The following GOLGB1 variants were observed in gnomAD, a reference collection of about 807,000 sequenced individuals.
GOLGB1 encodes the protein golgin subfamily B member 1.
A neutral mutation model predicts 336.9 loss-of-function variants in GOLGB1; 174 were observed. The ratio of observed to expected loss-of-function variants is 0.52; its 90% CI spans 0.46 to 0.59. The LOEUF (loss-of-function observed/expected upper bound fraction) is 0.59, where lower values mean the gene tolerates loss of function less well. Among genes scored for constraint, GOLGB1 ranks in the 20% least tolerant of loss-of-function variants. GOLGB1 has a pLI of 0.00. For synonymous variants in GOLGB1, 1,208 were observed against 1,289.2 expected (o/e 0.94, Z 1.35); for missense variants, 3,331 against 3,645.3 (o/e 0.91, Z 2.22).
chr3:121,708,462 C>A (rs928737195), intron 10 of GOLGB1, among the ~76,000 whole-genome samples: 11 of 151,552 alleles, frequency 7.3e-5, no homozygotes, highest in African/African-American at 2.7e-4. Context: ...ATAGTGAGAC[C>A]TTGTCTCTAC....
chr3:121,677,250 A>G (rs1275256588), intron 16 of GOLGB1, 35 bp downstream of exon 16: 3 of 1,497,976 alleles, frequency 2.0e-6, no homozygotes, highest in Non-Finnish European at 2.7e-6. Context: ...TTAAAAATTT[A>G]TCTCTGAGTA....
At chr3:121,715,884 T>C (rs918007935) in intron 9 of GOLGB1, among the ~76,000 whole-genome samples, 4 of 151,484 alleles carry the variant, frequency 2.6e-5, no homozygotes, top group African/African-American at 7.3e-5. Flanking sequence ...CCAAGCTACT[T>C]GGGAGGCTGA....
At chr3:121,704,607 G>A (rs945609499) in intron 10 of GOLGB1, among the ~76,000 whole-genome samples, 1 of 151,796 alleles carries the variant, frequency 6.6e-6, no homozygotes, top group Non-Finnish European at 1.5e-5. Context: ...GAGAAACTCC[G>A]TCTCTACTAA....
At position 121,697,220 on chromosome 3, in the gene GOLGB1, C is replaced by G. The variant is rs777038400; in HGVS notation, c.3303G>C (p.Gln1101His). Reference protein sequence around the residue: ...AEEQFQALVKQMNQTLQDKTN... With the variant: ...AEEQFQALVKHMNQTLQDKTN... ...TTTTATCTTGCAAGGTCTGATTCAT[C>G]TGTTTGACCAGAGCCTGGAATTGCT... The change falls in exon 13 of 22, where the codon CAG becomes CAC. Residue 1101 changes from glutamine to histidine, a missense_variant. Coordinates refer to ENST00000614479, the MANE Select transcript of GOLGB1 (RefSeq NM_001366282.2). 4.3e-6 allele frequency: 7 copies of G among 1,614,110 alleles called. No individual in the cohort carries two copies. The East Asian group carries it at 1.6e-4, about 36-fold the overall frequency.
chr3:121,713,739 CT>C (rs1944533501), intron 10 of GOLGB1, among the ~76,000 whole-genome samples: 1 of 152,014 alleles, frequency 6.6e-6, no homozygotes, highest in African/African-American at 2.4e-5. Flanking sequence ...GAATGGTATA[CT>C]TCAGATCTGT....
intron 5 of GOLGB1, among the ~76,000 whole-genome samples, chr3:121,725,123 A>G (rs1041409244): frequency 2.6e-5 from 4 of 152,104 alleles, no homozygotes; most frequent in Non-Finnish European, 5.9e-5. Flanking sequence ...AGCAATGCCA[A>G]GGGGAAATGA....
rs1330857584 is a variant in GOLGB1 at position 121,694,894 on chromosome 3, T to C, written c.5629A>G (p.Thr1877Ala). 3.1e-6 allele frequency: 5 copies of C among 1,613,414 alleles called. No homozygotes were observed. The highest frequency in any genetic ancestry group is 4.2e-6 in the Non-Finnish European group (5 of 1,179,444). ...TTTGTTGATATCTGACTCAGTAAGG[T>C]ATTTTTCTCATTTTCTAAAGTCTGG... is the stretch of plus-strand genomic sequence containing the variant. The part of the protein sequence containing the change: ...FSQTLENEKN[T>A]LLSQISTKDG... Residue 1877 changes from threonine (T) to alanine (A), a missense_variant, in exon 13 of 22, where the codon ACC becomes GCC. Coordinates refer to ENST00000614479, the MANE Select transcript of GOLGB1 (RefSeq NM_001366282.2).
intron 1 of GOLGB1, among the ~76,000 whole-genome samples, chr3:121,736,305 G>A (rs1463039971): frequency 1.3e-5 from 2 of 152,158 alleles, no homozygotes; most frequent in African/African-American, 4.8e-5. Flanking sequence ...AGCAACATCA[G>A]AGTGGTGAGA....
At chr3:121,665,658 C>A (rs1159339224) in intron 20 of GOLGB1, among the ~76,000 whole-genome samples, 1 of 152,218 alleles carries the variant, frequency 6.6e-6, no homozygotes, top group Non-Finnish European at 1.5e-5. Context: ...AATGAAGAAG[C>A]TGCCATTACT....
rs75675920 is a variant in GOLGB1, at chr3:121,721,612, C to T, written c.648+650G>A. ...TGTACCACTTGTACTCCAGCTTGGGCAACAGAGTGAGACCCAATTTCAAAA... is the reference window on the plus strand; with the variant it reads ...TGTACCACTTGTACTCCAGCTTGGGTAACAGAGTGAGACCCAATTTCAAAA... On this transcript the variant is annotated intron_variant, in intron 6 of 21. Coordinates refer to ENST00000614479, the MANE Select transcript of GOLGB1 (RefSeq NM_001366282.2). 2.5e-3 allele frequency among the ~76,000 whole-genome samples: 375 copies of T among 152,210 alleles called. 3 individuals carry two copies. Among genetic ancestry groups the T allele is most frequent in the African/African-American group, 8.7e-3 (363 of 41,544 alleles).
At chr3:121,727,289 C>CATATATATATATATATAT (rs1216701208) in intron 4 of GOLGB1, among the ~76,000 whole-genome samples, 3 of 44,352 alleles carry the variant, frequency 6.8e-5, no homozygotes, top group East Asian at 8.5e-4. Flanking sequence ...CATACACACA[C>CATATATATATATATATAT]ACACATATAT....
intron 6 of GOLGB1, among the ~76,000 whole-genome samples, chr3:121,721,721 T>G (rs1945213858): frequency 6.6e-6 from 1 of 152,110 alleles, no homozygotes; most frequent in African/African-American, 2.4e-5. Context: ...GGTCTGGTCT[T>G]GACAGATGAA....
chr3:121,696,935 A>T lies in GOLGB1; in HGVS notation c.3588T>A (p.Leu1196=). Residue 1196 remains leucine (L), a synonymous_variant, in exon 13 of 22, where the codon CTT becomes CTA. Coordinates refer to ENST00000614479, the MANE Select transcript of GOLGB1 (RefSeq NM_001366282.2). ...GTCTTTCTTTCTCCTGTGCCTTTTTAAGAATTGCCTTGCGGGAGGTTAAGG... is the reference window on the plus strand; with the variant it reads ...GTCTTTCTTTCTCCTGTGCCTTTTTTAGAATTGCCTTGCGGGAGGTTAAGG... ...QEALTSRKAI[L]KKAQEKERHL... 6.2e-7 allele frequency: 1 copy of T among 1,613,878 alleles called. No homozygotes were observed. Among genetic ancestry groups the T allele is most frequent in the South Asian group, 1.1e-5 (1 of 91,078 alleles).
Position 121,719,719 on chromosome 3 carries a change from G to A in GOLGB1, c.698C>T (p.Thr233Ile). 6.2e-7 allele frequency: 1 copy of A among 1,610,082 alleles called. No homozygotes were observed. The highest frequency in any genetic ancestry group is 1.1e-5 in the South Asian group (1 of 90,648). The stretch of plus-strand genomic sequence containing the variant: ...CTCATCTTCATGAAGACGAACTTGT[G>A]TTTCAAAGCGGGCATCTTTCTCTCG... Reference protein sequence around the residue: ...VVREKDARFETQVRLHEDELL... With the variant: ...VVREKDARFEIQVRLHEDELL... The change falls in exon 7 of 22, where the codon ACA becomes ATA. Residue 233 changes from threonine to isoleucine, a missense_variant. Coordinates refer to ENST00000614479, the MANE Select transcript of GOLGB1 (RefSeq NM_001366282.2).
chr3:121,692,197 A>C lies in GOLGB1; in HGVS notation c.7167T>G (p.Ile2389Met), dbSNP rs1490373476. 1.7e-5 allele frequency: 27 copies of C among 1,601,038 alleles called. No individual in the cohort carries two copies. Among genetic ancestry groups the C allele is most frequent in the Non-Finnish European group, 2.2e-5 (26 of 1,176,444 alleles). The change falls in exon 14 of 22, where the codon ATT (isoleucine) becomes ATG (methionine). Residue 2389 changes from isoleucine (I) to methionine (M), a missense_variant. Transcript: ENST00000614479. ...HEEINMKEQKIISLLSGKEEA... is the reference protein window; with the variant it reads ...HEEINMKEQKMISLLSGKEEA... ...CTTCCTTGCCAGAAAGCAGGCTTAT[A>C]ATCTTTTGCTCTTTCATATTTATTT...
chr3:121,664,678 A>G lies in GOLGB1; in HGVS notation c.9661-64T>C. 3.4e-6 allele frequency: 5 copies of G among 1,489,246 alleles called. No individual in the cohort carries two copies. In the Admixed American group the frequency reaches 8.4e-5, roughly 25 times the overall value. The allele number at this position is 1,489,246 out of a possible 1,614,324, so 92.3% of individuals were successfully genotyped here. A position where few individuals can be genotyped will look rare whatever the true frequency, so the allele number is the denominator to read the frequency against. ...ATAGGGCTATGTTGCTTTCCCTCCT[A>G]CTAGTCTTGCACTTAAGCAAAGCTG... On this transcript the variant is annotated intron_variant, in intron 21 of 21. Coordinates refer to ENST00000614479, the MANE Select transcript of GOLGB1 (RefSeq NM_001366282.2).
chr3:121,677,035 C>T lies in GOLGB1; in HGVS notation c.9040-5G>A, dbSNP rs368236128. 2.5e-6 allele frequency: 4 copies of T among 1,613,738 alleles called. No individual in the cohort carries two copies. The highest frequency in any genetic ancestry group is 1.3e-5 in the African/African-American group (1 of 74,858). On this transcript the variant is annotated splice_polypyrimidine_tract_variant and splice_region_variant and intron_variant, in intron 16 of 21. Coordinates refer to ENST00000614479, the MANE Select transcript of GOLGB1 (RefSeq NM_001366282.2). ...AGCTGATGTCTCTGGGGATGCCTGC[C>T]AGGACACAAACATTGATCAGATTCT...
At chr3:121,682,609 C>T (rs959211026) in intron 14 of GOLGB1, among the ~76,000 whole-genome samples, 18 of 152,272 alleles carry the variant, frequency 1.2e-4, no homozygotes, top group African/African-American at 4.3e-4. Context: ...GATATATTTT[C>T]AACTTCTTTA....
intron 1 of GOLGB1, among the ~76,000 whole-genome samples, chr3:121,742,821 T>C (rs1946974263): frequency 6.6e-6 from 1 of 152,170 alleles, no homozygotes; most frequent in African/African-American, 2.4e-5. Flanking sequence ...GAACAGACAC[T>C]TCTCAAAAGA....
Sources: gnomAD v4.1 joint callset for allele counts (sites outside exome capture counted in the v4.1 genomes callset) on GRCh38, gnomAD v4.1.1 for gene constraint, MANE v1.5 for transcripts, NCBI Gene and HGNC (gene_info 2026-07-23, HGNC 2026-07-21) for gene names.